KCTD8: variants seen among roughly 807,000 people sequenced by gnomAD.
KCTD8 encodes the protein potassium channel tetramerization domain containing 8.
In KCTD8, 27 loss-of-function variants were observed where a neutral mutation model predicts 31.5. The observed-to-expected ratio is 0.86, with a 90% confidence interval of 0.63 to 1.18. KCTD8 has a LOEUF of 1.18. Among genes scored for constraint, KCTD8 ranks in the 50% most tolerant of loss-of-function variants. The pLI, the probability that KCTD8 is intolerant of heterozygous loss-of-function variation, is 0.00. For synonymous variants in KCTD8, 290 were observed against 280.0 expected (o/e 1.04, Z -0.36); for missense variants, 658 against 647.7 (o/e 1.02, Z -0.17).
At chr4:44,275,681 C>T (rs1190013785) in intron 1 of KCTD8, among the ~76,000 whole-genome samples, 1 of 152,002 alleles carries the variant, frequency 6.6e-6, no homozygotes, top group African/African-American at 2.4e-5. Flanking sequence ...ATGTCCTTTA[C>T]CAGCTTTTTA....
chr4:44,254,363 C>A (rs578160599), intron 1 of KCTD8, among the ~76,000 whole-genome samples: 2 of 151,822 alleles, frequency 1.3e-5, no homozygotes, highest in Admixed American at 6.6e-5. Flanking sequence ...CAGGAAAACA[C>A]GTTTTTAAGG....
At chr4:44,344,736 G>C (rs960936301) in intron 1 of KCTD8, among the ~76,000 whole-genome samples, 1 of 152,208 alleles carries the variant, frequency 6.6e-6, no homozygotes, top group South Asian at 2.1e-4. Flanking sequence ...TTCACAATAT[G>C]CTTATATTAA....
At chr4:44,253,560 C>T (rs1157522216) in intron 1 of KCTD8, among the ~76,000 whole-genome samples, 1 of 151,722 alleles carries the variant, frequency 6.6e-6, no homozygotes, top group Non-Finnish European at 1.5e-5. Context: ...TACTTTCCGT[C>T]TCTTATATTC....
intron 1 of KCTD8, among the ~76,000 whole-genome samples, chr4:44,366,430 C>T (rs1185703788): frequency 6.6e-6 from 1 of 152,180 alleles, no homozygotes; most frequent in Admixed American, 6.5e-5. Context: ...CCCCTTCGCT[C>T]TCTCTATTTT....
intron 1 of KCTD8, among the ~76,000 whole-genome samples, chr4:44,366,726 T>C (rs1160336780): frequency 6.6e-6 from 1 of 152,134 alleles, no homozygotes; most frequent in East Asian, 1.9e-4. Context: ...GGATTTGGAA[T>C]TACAAATATC....
intron 1 of KCTD8, among the ~76,000 whole-genome samples, chr4:44,175,607 T>G (rs1332228096): frequency 6.6e-6 from 1 of 152,196 alleles, no homozygotes; most frequent in African/African-American, 2.4e-5. Context: ...TTGTTAGCCC[T>G]CTATCTGTTT....
At chr4:44,383,390 G>A (rs1720124498) in intron 1 of KCTD8, among the ~76,000 whole-genome samples, 2 of 152,024 alleles carry the variant, frequency 1.3e-5, no homozygotes, top group South Asian at 4.1e-4. Flanking sequence ...AACAAAGCCA[G>A]AGGCATCACA....
chr4:44,339,907 TACA>T, intron 1 of KCTD8, among the ~76,000 whole-genome samples: 2 of 152,072 alleles, frequency 1.3e-5, no homozygotes, highest in Non-Finnish European at 2.9e-5. Context: ...TTGTACACAA[TACA>T]ACAATGTTCA....
At chr4:44,229,202 G>A (rs576940384) in intron 1 of KCTD8, among the ~76,000 whole-genome samples, 1 of 152,244 alleles carries the variant, frequency 6.6e-6, no homozygotes, top group South Asian at 2.1e-4. Flanking sequence ...GCAGGAGAGG[G>A]CTCTCCCCTA....
intron 1 of KCTD8, among the ~76,000 whole-genome samples, chr4:44,384,831 T>C (rs1247007653): frequency 6.6e-6 from 1 of 151,806 alleles, no homozygotes; most frequent in Non-Finnish European, 1.5e-5. Flanking sequence ...TTTGAGATGA[T>C]GGATATGCTA....
intron 1 of KCTD8, among the ~76,000 whole-genome samples, chr4:44,219,048 G>A (rs1233098970): frequency 6.6e-6 from 1 of 152,082 alleles, no homozygotes; most frequent in African/African-American, 2.4e-5. Context: ...CATAACACAG[G>A]TTTGCTTCAC....
At chr4:44,264,595 C>T (rs904448252) in intron 1 of KCTD8, among the ~76,000 whole-genome samples, 4 of 152,138 alleles carry the variant, frequency 2.6e-5, no homozygotes, top group South Asian at 2.1e-4. Context: ...TTGCCTCACT[C>T]GGGAAGCGCA....
intron 1 of KCTD8, among the ~76,000 whole-genome samples, chr4:44,344,171 TTTAA>T (rs59061396): frequency 2.1e-4 from 32 of 151,998 alleles, no homozygotes; most frequent in South Asian, 2.1e-4. Flanking sequence ...TTACAGGTTT[TTTAA>T]TTAATTAATT....
In KCTD8 at chr4:44,448,045, C is replaced by A. The variant is rs769825135; in HGVS notation, c.479G>T (p.Gly160Val). The A allele has an allele frequency of 1.1e-5, 17 of 1,610,888 alleles. 1 individual carries two copies. The highest frequency in any genetic ancestry group is 1.6e-4 in the Middle Eastern group (1 of 6,082). ...GTTGTCCTCCAGGTCGCTCTGGCAG[C>A]CCTCGTCGTTGAGAGAGTTCTGCTT... ...VTKQNSLNDE[G>V]CQSDLEDNVS... is the part of the protein sequence containing the mutation. Residue 160 changes from glycine (G) to valine (V), a missense_variant, in exon 1 of 2, where the codon GGC becomes GTC. By Grantham distance (109) the Gly-to-Val change is moderately radical. Coordinates refer to ENST00000360029, the MANE Select transcript of KCTD8 (RefSeq NM_198353.3). This position sits in a 1 kb window ranked among gnomAD's most constrained non-coding sequence, Gnocchi z 4.1.
chr4:44,179,518 T>TA (rs1713315099), intron 1 of KCTD8, among the ~76,000 whole-genome samples: 2 of 148,858 alleles, frequency 1.3e-5, no homozygotes, highest in African/African-American at 4.9e-5. Flanking sequence ...TTTATATATT[T>TA]TTATATATAT....
At chr4:44,318,850 G>T (rs1470649164) in intron 1 of KCTD8, among the ~76,000 whole-genome samples, 2 of 152,108 alleles carry the variant, frequency 1.3e-5, no homozygotes, top group African/African-American at 4.8e-5. Context: ...ATTTAAAAGT[G>T]GAAGAAGCCT....
chr4:44,425,381 T>C (rs141843965), intron 1 of KCTD8, among the ~76,000 whole-genome samples: 48 of 152,154 alleles, frequency 3.2e-4, no homozygotes, highest in African/African-American at 1.0e-3. Context: ...AAACTAAATA[T>C]CATATAACAG....
At chr4:44,258,943 AATTGGTGT>A (rs1033828338) in intron 1 of KCTD8, among the ~76,000 whole-genome samples, 3 of 151,772 alleles carry the variant, frequency 2.0e-5, no homozygotes, top group African/African-American at 7.2e-5. Flanking sequence ...TACCTCATAA[AATTGGTGT>A]AAATACCTGG....
intron 1 of KCTD8, among the ~76,000 whole-genome samples, chr4:44,377,719 A>G (rs1039861772): frequency 1.3e-5 from 2 of 152,198 alleles, no homozygotes; most frequent in Admixed American, 1.3e-4. Flanking sequence ...TCTTCTTTTT[A>G]TTATCCTGTA....
Sources: gnomAD v4.1 joint callset for allele counts (sites outside exome capture counted in the v4.1 genomes callset) on GRCh38, gnomAD v4.1.1 for gene constraint, Gnocchi (gnomAD v3.1) non-coding constraint, MANE v1.5 for transcripts, NCBI Gene and HGNC (gene_info 2026-07-23, HGNC 2026-07-21) for gene names.